MOXD1: variants seen among roughly 807,000 people sequenced by gnomAD.
MOXD1 encodes DBH-like monooxygenase protein 1.
Under a neutral mutation model 66.6 loss-of-function variants are expected in MOXD1, and 62 were observed. That is an observed-to-expected ratio of 0.93 (90% CI 0.76 to 1.15). The LOEUF (loss-of-function observed/expected upper bound fraction) is 1.15. Ranked by LOEUF, MOXD1 falls within the 50% of genes most tolerant of loss-of-function variation. The pLI is 0.00. For missense variants in MOXD1, 847 were observed against 754.6 expected, an observed-to-expected ratio of 1.12 and a Z score of -1.44; for synonymous variants, 303 against 281.9, an observed-to-expected ratio of 1.07 and a Z score of -0.75.
chr6:132,319,409 G>A (rs1775028368), intron 9 of MOXD1, among the ~76,000 whole-genome samples: 1 of 151,610 alleles, frequency 6.6e-6, no homozygotes, highest in Non-Finnish European at 1.5e-5. Context: ...ACTGTCTTTA[G>A]GCATTCTTTT....
intron 4 of MOXD1, among the ~76,000 whole-genome samples, chr6:132,340,504 A>G (rs1461809315): frequency 3.6e-5 from 5 of 139,774 alleles, no homozygotes; most frequent in African/African-American, 1.3e-4. Context: ...TAATTCGGCT[A>G]TCTGGAAAAA....
At chr6:132,313,787 C>T (rs959961096) in intron 10 of MOXD1, among the ~76,000 whole-genome samples, 11 of 151,868 alleles carry the variant, frequency 7.2e-5, no homozygotes, top group Non-Finnish European at 8.8e-5. Flanking sequence ...TGGTGGCGAG[C>T]GCCTGTAATC....
In MOXD1 at chr6:132,296,143, T is replaced by C. The variant is rs1055681925; in HGVS notation, c.*1010A>G. On this transcript the variant is annotated 3_prime_UTR_variant, in exon 12 of 12. Transcript: ENST00000367963. Reference sequence around the variant, plus strand: ...CATAAAACAAGATTTGGCTGAGCTATATAAAGAAAACCAAAAGAGTGACAA... The same window carrying C: ...CATAAAACAAGATTTGGCTGAGCTACATAAAGAAAACCAAAAGAGTGACAA... 9.9e-5 allele frequency: 15 copies of C among 152,156 alleles called. No homozygotes were observed. Among genetic ancestry groups the C allele is most frequent in the African/African-American group, 3.6e-4 (15 of 41,438 alleles). The allele number at this position is 152,156 out of a possible 1,614,324, so 9.4% of individuals were successfully genotyped here. A position where few individuals can be genotyped will look rare whatever the true frequency, so the allele number is the denominator to read the frequency against.
At chr6:132,386,324 C>G (rs1776636709) in intron 1 of MOXD1, among the ~76,000 whole-genome samples, 1 of 149,462 alleles carries the variant, frequency 6.7e-6, no homozygotes, top group Non-Finnish European at 1.5e-5. Flanking sequence ...ATGGCGTGAA[C>G]CCGGGAGGCG....
At chr6:132,361,239 C>T (rs185783647) in intron 4 of MOXD1, among the ~76,000 whole-genome samples, 54 of 151,878 alleles carry the variant, frequency 3.6e-4, no homozygotes, top group African/African-American at 1.2e-3. Context: ...GAAGAAATTA[C>T]CCCTTCTATC....
chr6:132,316,896 C>A (rs1774971063), intron 9 of MOXD1, among the ~76,000 whole-genome samples: 7 of 151,706 alleles, frequency 4.6e-5, no homozygotes, highest in Admixed American at 4.6e-4. Context: ...TGAAATAATC[C>A]CCAATTTAAT....
At chr6:132,365,572 T>A (rs1776104590) in intron 4 of MOXD1, among the ~76,000 whole-genome samples, 1 of 152,182 alleles carries the variant, frequency 6.6e-6, no homozygotes, top group Non-Finnish European at 1.5e-5. Context: ...CAAGGTTAAG[T>A]ACTTTCTCTA....
At chr6:132,318,459 A>T (rs537689753) in intron 9 of MOXD1, among the ~76,000 whole-genome samples, 3 of 152,018 alleles carry the variant, frequency 2.0e-5, no homozygotes, top group Non-Finnish European at 4.4e-5. Flanking sequence ...TATTTATAGT[A>T]TCTATTATAT....
chr6:132,391,707 C>T (rs984536387), intron 1 of MOXD1: 1 of 152,402 alleles, frequency 6.6e-6, no homozygotes, highest in African/African-American at 2.4e-5. Context: ...AATAAACCAC[C>T]ATTCAGTTTC....
In MOXD1 at chr6:132,322,719, T is replaced by C; in HGVS notation, c.1265A>G (p.Gln422Arg). Residue 422 changes from glutamine to arginine, a missense_variant, in exon 8 of 12, where the codon CAG becomes CGG. Physicochemically the swap from Gln to Arg is conservative, Grantham distance 43. Transcript: ENST00000367963. ...TTCTTCCTTTAGATACTGAAACTCC[T>C]GGAAATTGAAGTCAAAATCATCATC... ...AYDDDFDFNF[Q>R]EFQYLKEEQT... The C allele has an allele frequency of 6.2e-7, 1 of 1,613,994 alleles. No individual in the cohort carries two copies. Among genetic ancestry groups the C allele is most frequent in the Non-Finnish European group, 8.5e-7 (1 of 1,179,950 alleles).
intron 4 of MOXD1, among the ~76,000 whole-genome samples, chr6:132,333,413 C>A (rs1047084481): frequency 1.3e-5 from 2 of 150,796 alleles, no homozygotes; most frequent in Non-Finnish European, 2.9e-5. Flanking sequence ...ATTCTGGTTA[C>A]TTCACACATT....
chr6:132,365,746 G>A (rs981962421), intron 4 of MOXD1, among the ~76,000 whole-genome samples: 2 of 152,162 alleles, frequency 1.3e-5, no homozygotes, highest in Admixed American at 6.5e-5. Flanking sequence ...TAACTCAAGA[G>A]GATCTTGAAT....
At chr6:132,398,411 A>T (rs911278170) in intron 1 of MOXD1, among the ~76,000 whole-genome samples, 1 of 152,222 alleles carries the variant, frequency 6.6e-6, no homozygotes, top group East Asian at 1.9e-4. Flanking sequence ...ATTTAAAAGG[A>T]TAAAATAAAA....
At chr6:132,328,966 T>A (rs184345176) in intron 4 of MOXD1, among the ~76,000 whole-genome samples, 73 of 152,278 alleles carry the variant, frequency 4.8e-4, no homozygotes, top group East Asian at 3.9e-3. Context: ...CACTTTTTTT[T>A]AAATTTTTAT....
chr6:132,375,528 C>A (rs1776361877), intron 1 of MOXD1, among the ~76,000 whole-genome samples: 1 of 152,162 alleles, frequency 6.6e-6, no homozygotes, highest in South Asian at 2.1e-4. Context: ...AGGGTTCACG[C>A]CATTCTCCTG....
At chr6:132,387,709 G>A (rs1434653433) in intron 1 of MOXD1, among the ~76,000 whole-genome samples, 2 of 137,696 alleles carry the variant, frequency 1.5e-5, no homozygotes, top group East Asian at 2.2e-4. Flanking sequence ...AGCCAAGATC[G>A]CGCCACTGCA....
intron 9 of MOXD1, among the ~76,000 whole-genome samples, chr6:132,317,724 T>C (rs184072181): frequency 6.6e-6 from 1 of 152,236 alleles, no homozygotes; most frequent in East Asian, 1.9e-4. Context: ...ACAAAAATTA[T>C]ACATAAGGCA....
At chr6:132,344,361 A>C (rs1238999894) in intron 4 of MOXD1, among the ~76,000 whole-genome samples, 2 of 152,210 alleles carry the variant, frequency 1.3e-5, no homozygotes, top group African/African-American at 2.4e-5. Flanking sequence ...CAGGAGAAGA[A>C]AGTCTTCTCA....
At chr6:132,372,460 G>A in intron 4 of MOXD1, 148 bp downstream of exon 4, 4 of 678,228 alleles carry the variant, frequency 5.9e-6, no homozygotes, top group South Asian at 4.2e-5. Flanking sequence ...GAAAAAGTAT[G>A]CAGGTCAGCC....
Sources: allele counts gnomAD v4.1 joint callset (sites outside exome capture counted in the v4.1 genomes callset), GRCh38; gene constraint gnomAD v4.1.1; transcripts MANE v1.5; gene names NCBI Gene and HGNC (gene_info 2026-07-23, HGNC 2026-07-21).